ITPR1: variants seen among roughly 807,000 people sequenced by gnomAD.
The protein encoded by ITPR1 is inositol 1,4,5-trisphosphate receptor type 1.
A neutral mutation model predicts 318.4 loss-of-function variants in ITPR1; 96 were observed. The ratio of observed to expected loss-of-function variants is 0.30; its 90% confidence interval spans 0.26 to 0.36. The LOEUF is 0.36. Ranked by LOEUF, ITPR1 falls within the 10% of genes least tolerant of loss-of-function variation. ITPR1 has a pLI of 1.00. For missense variants in ITPR1, 2,440 were observed against 3,460.2 expected (o/e 0.71, Z 7.40); for synonymous variants, 1,312 against 1,289.9 (o/e 1.02, Z -0.37).
intron 40 of ITPR1, 53 bp downstream of exon 40, chr3:4,717,452 A>G (rs776862354): frequency 3.7e-5 from 52 of 1,389,584 alleles, no homozygotes; most frequent in Admixed American, 1.8e-4. Flanking sequence ...TGTTTCCGTG[A>G]CACCTTCCCA....
chr3:4,570,805 C>G (rs1307334720), intron 4 of ITPR1, among the ~76,000 whole-genome samples: 1 of 152,202 alleles, frequency 6.6e-6, no homozygotes, highest in Non-Finnish European at 1.5e-5. Flanking sequence ...GAAAGTTGAT[C>G]AAATCCAAGT....
chr3:4,828,027 T>G (rs766152469), intron 60 of ITPR1, among the ~76,000 whole-genome samples: 19 of 152,060 alleles, frequency 1.2e-4, no homozygotes, highest in Non-Finnish European at 2.5e-4. Flanking sequence ...TAAAACCATT[T>G]CAGCTCAGAG....
At chr3:4,543,277 A>C (rs1340389580) in intron 4 of ITPR1, among the ~76,000 whole-genome samples, 6 of 151,358 alleles carry the variant, frequency 4.0e-5, no homozygotes, top group African/African-American at 1.5e-4. Flanking sequence ...AAAAAAAGAG[A>C]AAAAAAAGAA....
chr3:4,723,597 A>G (rs1257836686), intron 40 of ITPR1, among the ~76,000 whole-genome samples: 1 of 152,036 alleles, frequency 6.6e-6, no homozygotes, highest in East Asian at 1.9e-4. Context: ...ACCTATTTCT[A>G]TTCTGAAAGA....
intron 19 of ITPR1, 130 bp downstream of exon 19, chr3:4,669,903 T>G: frequency 1.0e-6 from 1 of 971,490 alleles, no homozygotes; most frequent in Non-Finnish European, 1.4e-6. Context: ...TTTGATCTTC[T>G]TATTGGAAAA....
At chr3:4,844,993 TAA>T (rs1181264978) in intron 61 of ITPR1, among the ~76,000 whole-genome samples, 8 of 152,322 alleles carry the variant, frequency 5.3e-5, no homozygotes, top group Admixed American at 3.9e-4. Flanking sequence ...AAAGTGAGAT[TAA>T]GTGTCACATC....
intron 4 of ITPR1, among the ~76,000 whole-genome samples, chr3:4,551,947 A>G (rs1216407802): frequency 6.6e-6 from 1 of 152,200 alleles, no homozygotes; most frequent in Non-Finnish European, 1.5e-5. Context: ...CATTTATTAC[A>G]TATGCTCTGG....
intron 4 of ITPR1, among the ~76,000 whole-genome samples, chr3:4,526,816 C>T (rs1376640639): frequency 1.3e-5 from 2 of 152,128 alleles, no homozygotes; most frequent in African/African-American, 2.4e-5. Flanking sequence ...CATGTGCCAG[C>T]CATTTGTACT....
In ITPR1 at chr3:4,811,439, C is replaced by A. The variant is rs1186161452; in HGVS notation, c.7447C>A (p.Pro2483Thr). 4 of 1,613,646 alleles carry A rather than the reference C, an allele frequency of 2.5e-6. No homozygotes were observed. The highest frequency in any genetic ancestry group is 3.4e-6 in the Non-Finnish European group (4 of 1,179,718). Residue 2483 changes from proline to threonine, a missense_variant, in exon 56 of 62, where the codon CCC becomes ACC. Around this residue, in one of 23 missense-constraint regions of ITPR1, gnomAD observed 88 missense variants for 90.5 expected, o/e 0.97. Transcript: ENST00000649015. ...CTTTATCTTGGAAGTAGATAGGCTG[C>A]CCAATGAAACAGCTGTTCCAGGTGG... ...DDFILEVDRLPNETAVPETGE... is the reference protein window; with the variant it reads ...DDFILEVDRLTNETAVPETGE...
intron 4 of ITPR1, among the ~76,000 whole-genome samples, chr3:4,530,181 G>A (rs1228316811): frequency 6.6e-6 from 1 of 152,146 alleles, no homozygotes; most frequent in Non-Finnish European, 1.5e-5. Flanking sequence ...TAACAATCTT[G>A]AGTATAGTAT....
intron 53 of ITPR1, among the ~76,000 whole-genome samples, chr3:4,795,465 A>G (rs149385487): frequency 1.3e-5 from 2 of 152,338 alleles, no homozygotes; most frequent in African/African-American, 4.8e-5. Context: ...CCCTTCTTTT[A>G]TATATGAGGA....
intron 4 of ITPR1, among the ~76,000 whole-genome samples, chr3:4,617,417 T>A (rs757138329): frequency 2.6e-5 from 4 of 152,184 alleles, no homozygotes; most frequent in South Asian, 2.1e-4. Context: ...TGGCTGTTCT[T>A]CATAGGGCAG....
chr3:4,502,233 T>C (rs2081076978), intron 2 of ITPR1, among the ~76,000 whole-genome samples: 1 of 152,144 alleles, frequency 6.6e-6, no homozygotes, highest in Admixed American at 6.5e-5. Flanking sequence ...CCCAAACGCT[T>C]CCTCCTCCGG....
intron 5 of ITPR1, among the ~76,000 whole-genome samples, chr3:4,628,138 A>G (rs2092900606): frequency 1.3e-5 from 2 of 152,302 alleles, no homozygotes; most frequent in South Asian, 4.1e-4. Context: ...GGTTATGAGT[A>G]CAGGCACTGG....
At chr3:4,765,755 C>T (rs1397831699) in intron 44 of ITPR1, among the ~76,000 whole-genome samples, 1 of 152,072 alleles carries the variant, frequency 6.6e-6, no homozygotes, top group East Asian at 1.9e-4. Context: ...AGCGAATACT[C>T]ATAAATGAAG....
At position 4,606,630 on chromosome 3, in the gene ITPR1, C is replaced by A. The variant is rs192497297; in HGVS notation, c.164-21133C>A. ...GTTGCAAGGGAAAAGGAGCAGGTAG[C>A]GGAATGTTAATTATGTATTCGTCTC... On this transcript the variant is annotated intron_variant, in intron 4 of 61. Coordinates refer to ENST00000649015, the MANE Select transcript of ITPR1 (RefSeq NM_001378452.1). 5.9e-5 allele frequency among the ~76,000 whole-genome samples: 9 copies of A among 152,056 alleles called. No homozygotes were observed. The East Asian group carries it at 1.7e-3, about 29-fold the overall frequency.
chr3:4,540,490 A>G (rs374099392), intron 4 of ITPR1, among the ~76,000 whole-genome samples: 4 of 152,074 alleles, frequency 2.6e-5, no homozygotes, highest in East Asian at 1.9e-4. Context: ...GTTGTAATGT[A>G]TTTATATTTA....
rs1029949256 is a variant in ITPR1, at chr3:4,847,296, A to ATGAT, written c.*1073_*1076dup. 12 of 151,982 alleles carry ATGAT rather than the reference A, an allele frequency of 7.9e-5. No homozygotes were observed. Among genetic ancestry groups the ATGAT allele is most frequent in the African/African-American group, 2.2e-4 (9 of 41,356 alleles). 9.4% of individuals were successfully genotyped at this position (151,982 alleles called of 1,614,324 possible). ...ACATTTTGGTTTTATTTCTTGTCAC[A>ATGAT]TGATTTCTTTTCTTGATGGATGAAA... On this transcript the variant is annotated 3_prime_UTR_variant, in exon 62 of 62. Coordinates refer to ENST00000649015, the MANE Select transcript of ITPR1 (RefSeq NM_001378452.1).
chr3:4,785,625 A>G (rs1018107), intron 51 of ITPR1, among the ~76,000 whole-genome samples: 81,172 of 152,040 alleles, frequency 0.53, 22,272 homozygotes, highest in East Asian at 0.89. Flanking sequence ...TCTGTCCTCT[A>G]GAGCCCTTAA....
Sources: allele counts gnomAD v4.1 joint callset (sites outside exome capture counted in the v4.1 genomes callset), GRCh38; gene constraint gnomAD v4.1.1; regional missense constraint gnomAD v4.1.1; transcripts MANE v1.5; gene names NCBI Gene and HGNC (gene_info 2026-07-23, HGNC 2026-07-21).